FAM227B: variants seen among roughly 807,000 people sequenced by gnomAD.
FAM227B encodes the protein protein FAM227B.
FAM227B carries 88 observed loss-of-function variants against 73.8 expected under a neutral mutation model. The observed-to-expected ratio is 1.19, with a 90% CI of 1.00 to 1.42. The LOEUF (loss-of-function observed/expected upper bound fraction) is 1.42. FAM227B is among the 40% of genes most tolerant of loss of function. The pLI, the probability that FAM227B is intolerant of heterozygous loss-of-function variation, is 0.00. For synonymous variants in FAM227B, 210 were observed against 190.5 expected, an observed-to-expected ratio of 1.10 and a Z score of -0.84; for missense variants, 632 against 590.9, an observed-to-expected ratio of 1.07 and a Z score of -0.72.
chr15:49,544,119 T>C (rs1598065696), intron 9 of FAM227B, among the ~76,000 whole-genome samples: 1 of 152,298 alleles, frequency 6.6e-6, no homozygotes, highest in African/African-American at 2.4e-5. Flanking sequence ...TCTACCTATC[T>C]GTGAGCATGG....
intron 11 of FAM227B, among the ~76,000 whole-genome samples, chr15:49,435,260 GT>G (rs2051000011): frequency 1.3e-5 from 2 of 151,522 alleles, no homozygotes; most frequent in South Asian, 4.1e-4. Context: ...TCTTTATGGA[GT>G]TTTTTCCCTA....
chr15:49,477,186 T>A (rs1359503538), intron 11 of FAM227B, among the ~76,000 whole-genome samples: 1 of 152,240 alleles, frequency 6.6e-6, no homozygotes, highest in Non-Finnish European at 1.5e-5. Context: ...TGAGCCAATA[T>A]TTATTTATGC....
intron 13 of FAM227B, among the ~76,000 whole-genome samples, chr15:49,354,558 C>G (rs1470799189): frequency 6.6e-6 from 1 of 152,252 alleles, no homozygotes. Context: ...AAACGGCGCA[C>G]CACGAGATTA....
chr15:49,545,225 G>C (rs1346192046), intron 9 of FAM227B, among the ~76,000 whole-genome samples: 1 of 151,952 alleles, frequency 6.6e-6, no homozygotes, highest in Non-Finnish European at 1.5e-5. Context: ...ATATAACCTA[G>C]GACAGTTGTA....
At chr15:49,419,086 C>A (rs1176189926) in intron 11 of FAM227B, among the ~76,000 whole-genome samples, 2 of 152,156 alleles carry the variant, frequency 1.3e-5, no homozygotes, top group Non-Finnish European at 2.9e-5. Flanking sequence ...TTCTACAGTT[C>A]TGAACTCCCT....
intron 11 of FAM227B, among the ~76,000 whole-genome samples, chr15:49,437,189 T>C (rs1009630811): frequency 6.6e-6 from 1 of 151,556 alleles, no homozygotes; most frequent in African/African-American, 2.4e-5. Context: ...AAATTGTATA[T>C]ATACAGTTTA....
intron 11 of FAM227B, among the ~76,000 whole-genome samples, chr15:49,440,166 G>A (rs996058829): frequency 1.4e-4 from 21 of 151,708 alleles, no homozygotes; most frequent in African/African-American, 5.1e-4. Context: ...CTGGTTTTTA[G>A]TTCAGCATAC....
At chr15:49,395,705 G>A (rs955716264) in intron 11 of FAM227B, among the ~76,000 whole-genome samples, 2 of 152,198 alleles carry the variant, frequency 1.3e-5, no homozygotes, top group Non-Finnish European at 2.9e-5. Flanking sequence ...AGAAACTTCT[G>A]AAGTCTCTAT....
intron 13 of FAM227B, among the ~76,000 whole-genome samples, chr15:49,345,406 G>A (rs1162701085): frequency 6.6e-6 from 1 of 152,116 alleles, no homozygotes; most frequent in Non-Finnish European, 1.5e-5. Flanking sequence ...GCATTTTCTT[G>A]TACAACTCAG....
At chr15:49,537,042 G>A (rs1306923623) in intron 10 of FAM227B, among the ~76,000 whole-genome samples, 2 of 152,048 alleles carry the variant, frequency 1.3e-5, no homozygotes, top group Non-Finnish European at 2.9e-5. Context: ...AATAGCTTGG[G>A]CTACAATAGC....
Position 49,367,609 on chromosome 15 carries a change from C to T in FAM227B, c.1111-1G>A, listed in dbSNP as rs1174768205. The T allele has an allele frequency of 6.5e-6, 10 of 1,548,112 alleles. No individual in the cohort carries two copies. In the African/African-American group the frequency reaches 1.4e-4, roughly 22 times the overall value. Reference sequence around the variant, plus strand: ...CTGGACCAGTACTACTATAGTGCGACTGTAAGAGGAAGAAAATAATCAAGA... The same window carrying T: ...CTGGACCAGTACTACTATAGTGCGATTGTAAGAGGAAGAAAATAATCAAGA... On this transcript the variant is annotated splice_acceptor_variant, in intron 12 of 15. Coordinates refer to ENST00000299338, the MANE Select transcript of FAM227B (RefSeq NM_152647.3). LOFTEE classifies it high-confidence loss of function.
At chr15:49,380,359 G>A (rs559764953) in intron 11 of FAM227B, among the ~76,000 whole-genome samples, 6 of 152,244 alleles carry the variant, frequency 3.9e-5, no homozygotes, top group Admixed American at 2.0e-4. Context: ...AAGAGCCCAC[G>A]TGGTGCTCTG....
chr15:49,449,443 TA>T (rs1460716714), intron 11 of FAM227B, among the ~76,000 whole-genome samples: 2 of 152,006 alleles, frequency 1.3e-5, no homozygotes, highest in African/African-American at 4.8e-5. Flanking sequence ...CCATTACACT[TA>T]AACATGATTT....
At chr15:49,577,340 T>C in intron 6 of FAM227B, 1 of 359,302 alleles carries the variant, frequency 2.8e-6, no homozygotes, top group Non-Finnish European at 5.1e-6. Context: ...ATTTTCTGCT[T>C]CTTTGAAATT....
At position 49,336,447 on chromosome 15, in the gene FAM227B, G is replaced by T. The variant is rs1266234149; in HGVS notation, c.1272-951C>A. ...GTGTTAAATGAAGACCTTAGCCTCA[G>T]TGTTACACTAGGAGCTCTTAAACCT... On this transcript the variant is annotated intron_variant, in intron 13 of 15. Coordinates refer to ENST00000299338, the MANE Select transcript of FAM227B (RefSeq NM_152647.3). Among the ~76,000 whole-genome samples, 3 of 152,314 alleles carry T rather than the reference G, an allele frequency of 2.0e-5. No individual in the cohort carries two copies. In the East Asian group the frequency reaches 5.8e-4, roughly 29 times the overall value.
At chr15:49,518,966 G>T (rs2059585552) in intron 10 of FAM227B, among the ~76,000 whole-genome samples, 1 of 152,202 alleles carries the variant, frequency 6.6e-6, no homozygotes, top group Non-Finnish European at 1.5e-5. Context: ...AATATCAAAA[G>T]CAACTTAATT....
At chr15:49,597,426 A>C (rs760125024) in intron 3 of FAM227B, among the ~76,000 whole-genome samples, 3 of 151,998 alleles carry the variant, frequency 2.0e-5, no homozygotes, top group Non-Finnish European at 4.4e-5. Context: ...CTGAACAATA[A>C]TATTGACACA....
rs1314463918 is a variant in FAM227B, at chr15:49,489,838, AT to A, written c.1012+18372del. Among the ~76,000 whole-genome samples the A allele has an allele frequency of 1.6e-3, 49 of 30,572 alleles. 2 individuals carry two copies. Among genetic ancestry groups the A allele is most frequent in the Admixed American group, 6.6e-3 (10 of 1,506 alleles). The allele number at this position is 30,572 out of a possible 152,430, so 20.1% of individuals were successfully genotyped here. A position where few individuals can be genotyped will look rare whatever the true frequency, so the allele number is the denominator to read the frequency against. ...ATATATATTTTATATATATATATAT[AT>A]TTTATATATATATATATATTTTATA... On this transcript the variant is annotated intron_variant, in intron 11 of 15. Transcript: ENST00000299338.
At chr15:49,601,865 C>T (rs12324090) in intron 3 of FAM227B, among the ~76,000 whole-genome samples, 28,466 of 152,078 alleles carry the variant, frequency 0.19, 3,122 homozygotes, top group East Asian at 0.36. Context: ...TTTTGATTTT[C>T]AGAACCCAAA....
Sources: gnomAD v4.1 joint callset for allele counts (sites outside exome capture counted in the v4.1 genomes callset) on GRCh38, gnomAD v4.1.1 for gene constraint, MANE v1.5 for transcripts, NCBI Gene and HGNC (gene_info 2026-07-23, HGNC 2026-07-21) for gene names.